The following ARHGAP22 variants were observed in gnomAD, a reference collection of about 807,000 sequenced individuals.
ARHGAP22 encodes Rho GTPase activating protein 22, also known as rho GTPase-activating protein 22.
A neutral mutation model predicts 59.1 loss-of-function variants in ARHGAP22; 48 were observed. The ratio of observed to expected loss-of-function variants is 0.81; its 90% CI spans 0.64 to 1.03. ARHGAP22 has a LOEUF of 1.03. Among genes scored for constraint, ARHGAP22 ranks in the 50% least tolerant of loss-of-function variants. The probability of loss-of-function intolerance (pLI) is 0.00; values close to 1 mark genes in which losing one functional copy is unlikely to be tolerated. For synonymous variants in ARHGAP22, 445 were observed against 416.4 expected (o/e 1.07, Z -0.84); for missense variants, 1,015 against 958.7 (o/e 1.06, Z -0.78).
At chr10:48,493,248 C>G (rs780934918) in intron 3 of ARHGAP22, among the ~76,000 whole-genome samples, 1 of 152,188 alleles carries the variant, frequency 6.6e-6, no homozygotes, top group Admixed American at 6.5e-5. Context: ...GGATCCCTAG[C>G]GGCGGCCTCA....
chr10:48,568,558 GGCACATGC>G (rs1220862619), intron 2 of ARHGAP22, among the ~76,000 whole-genome samples: 1 of 152,210 alleles, frequency 6.6e-6, no homozygotes, highest in Non-Finnish European at 1.5e-5. Context: ...GCCCTCAGAG[GGCACATGC>G]GCTGAGCCTC....
intron 4 of ARHGAP22, among the ~76,000 whole-genome samples, chr10:48,461,060 C>T (rs1196216032): frequency 6.6e-6 from 1 of 151,996 alleles, no homozygotes; most frequent in Non-Finnish European, 1.5e-5. Flanking sequence ...ATGGATAGTG[C>T]TGATGGTTGC....
At chr10:48,536,750 G>A (rs1340639720) in intron 3 of ARHGAP22, among the ~76,000 whole-genome samples, 1 of 152,188 alleles carries the variant, frequency 6.6e-6, no homozygotes, top group Non-Finnish European at 1.5e-5. Context: ...TAGGAACAGC[G>A]GTGTTTCCTG....
chr10:48,589,503 T>C (rs1206263339), intron 1 of ARHGAP22, among the ~76,000 whole-genome samples: 5 of 152,144 alleles, frequency 3.3e-5, no homozygotes, highest in Non-Finnish European at 7.3e-5. Flanking sequence ...TCCAGAGAAA[T>C]GTCTCATGGT....
intron 1 of ARHGAP22, among the ~76,000 whole-genome samples, chr10:48,592,491 T>C (rs1410751859): frequency 1.3e-5 from 2 of 152,176 alleles, no homozygotes; most frequent in Non-Finnish European, 2.9e-5. Flanking sequence ...CCAGGACCAC[T>C]TTGTACTCCT....
intron 3 of ARHGAP22, among the ~76,000 whole-genome samples, chr10:48,503,236 C>T (rs547421647): frequency 1.5e-4 from 23 of 152,288 alleles, no homozygotes; most frequent in African/African-American, 5.1e-4. Context: ...GACCATGTTC[C>T]GAAATGTTCA....
At chr10:48,604,209 C>T (rs900018138) in intron 1 of ARHGAP22, among the ~76,000 whole-genome samples, 6 of 152,218 alleles carry the variant, frequency 3.9e-5, no homozygotes, top group African/African-American at 1.4e-4. Context: ...TCTGAGTCTG[C>T]TCCCGCATCC....
intron 2 of ARHGAP22, among the ~76,000 whole-genome samples, chr10:48,557,099 G>A (rs529877073): frequency 6.6e-6 from 1 of 152,322 alleles, no homozygotes; most frequent in East Asian, 1.9e-4. Context: ...CAGAGAACCA[G>A]CTGGTAATCT....
intron 3 of ARHGAP22, among the ~76,000 whole-genome samples, chr10:48,551,904 A>G (rs2056924486): frequency 6.6e-6 from 1 of 152,264 alleles, no homozygotes; most frequent in Admixed American, 6.5e-5. Flanking sequence ...GGGCAATTTT[A>G]GTGTGTGGCT....
intron 3 of ARHGAP22, among the ~76,000 whole-genome samples, chr10:48,543,399 G>C (rs1232786995): frequency 6.6e-6 from 1 of 152,128 alleles, no homozygotes; most frequent in African/African-American, 2.4e-5. Context: ...CACAGCCTCA[G>C]GGCCCCTGCT....
At position 48,480,986 on chromosome 10, in the gene ARHGAP22, G is replaced by T. The variant is rs139881171; in HGVS notation, c.323-1222C>A. Among the ~76,000 whole-genome samples, 635 of 152,376 alleles carry T rather than the reference G, an allele frequency of 4.2e-3. 5 individuals are homozygous for T. The highest frequency in any genetic ancestry group is 0.014 in the African/African-American group (599 of 41,602). On this transcript the variant is annotated intron_variant, in intron 3 of 9. Transcript: ENST00000249601. The stretch of plus-strand genomic sequence containing the variant: ...TGGCTGAGGGCACCACAGCGGGCCC[G>T]TGGGGAGGCAGGGGGAGAGGCCGTG...
chr10:48,538,855 A>G (rs12098685), intron 3 of ARHGAP22, among the ~76,000 whole-genome samples: 3,939 of 152,322 alleles, frequency 0.026, 159 homozygotes, highest in African/African-American at 0.091. Context: ...CCACCTACCC[A>G]TATTAACACT....
At chr10:48,590,487 C>A (rs899557906) in intron 1 of ARHGAP22, among the ~76,000 whole-genome samples, 2 of 152,162 alleles carry the variant, frequency 1.3e-5, no homozygotes, top group Non-Finnish European at 2.9e-5. Flanking sequence ...AAGTGCCCCA[C>A]CAGCTGAGGC....
chr10:48,521,189 A>G (rs1381838408), intron 3 of ARHGAP22, among the ~76,000 whole-genome samples: 4 of 152,086 alleles, frequency 2.6e-5, no homozygotes, highest in African/African-American at 9.7e-5. Context: ...ATTTGTGAAA[A>G]CCTGTCTTGC....
At chr10:48,621,128 T>G (rs2061271948) in intron 1 of ARHGAP22, among the ~76,000 whole-genome samples, 1 of 152,268 alleles carries the variant, frequency 6.6e-6, no homozygotes, top group African/African-American at 2.4e-5. Flanking sequence ...CCTACATACC[T>G]TTGTCTTAGA....
chr10:48,498,138 A>G (rs889435172), intron 3 of ARHGAP22, among the ~76,000 whole-genome samples: 1 of 152,074 alleles, frequency 6.6e-6, no homozygotes, highest in African/African-American at 2.4e-5. Flanking sequence ...ACGAGCCCAC[A>G]TGCTCTGTTT....
chr10:48,549,816 C>A (rs1300331958), intron 3 of ARHGAP22, among the ~76,000 whole-genome samples: 5 of 152,136 alleles, frequency 3.3e-5, no homozygotes, highest in Middle Eastern at 3.4e-3. Context: ...CTAAGTCCCC[C>A]ACTATCTCTA....
intron 3 of ARHGAP22, among the ~76,000 whole-genome samples, chr10:48,506,922 T>G (rs1374085383): frequency 6.6e-6 from 1 of 152,214 alleles, no homozygotes; most frequent in African/African-American, 2.4e-5. Flanking sequence ...TCTGCTAGAC[T>G]CTTAGTTCAG....
intron 3 of ARHGAP22, among the ~76,000 whole-genome samples, chr10:48,514,059 G>T (rs2053056824): frequency 6.6e-6 from 1 of 151,566 alleles, no homozygotes; most frequent in Non-Finnish European, 1.5e-5. Flanking sequence ...GCTTATAGAA[G>T]AAAAAAAATC....
Sources: allele counts gnomAD v4.1 joint callset (sites outside exome capture counted in the v4.1 genomes callset), GRCh38; gene constraint gnomAD v4.1.1; transcripts MANE v1.5; gene names NCBI Gene and HGNC (gene_info 2026-07-23, HGNC 2026-07-21).